The following RSRC1 variants were observed in gnomAD, a reference collection of about 807,000 sequenced individuals.
The protein encoded by RSRC1 is arginine and serine rich coiled-coil 1, also known as serine/Arginine-related protein 53.
RSRC1 carries 39 observed loss-of-function variants against 49.1 expected under a neutral mutation model. That is an observed-to-expected ratio of 0.79 (90% confidence interval 0.61 to 1.04). RSRC1 has a LOEUF of 1.04. RSRC1 is among the 50% of genes least tolerant of loss of function. RSRC1 has a pLI of 0.00. For synonymous variants in RSRC1, 143 were observed against 130.8 expected, an observed-to-expected ratio of 1.09 and a Z score of -0.63; for missense variants, 388 against 402.4, an observed-to-expected ratio of 0.96 and a Z score of 0.31.
At chr3:158,379,855 C>T (rs2108279089) in intron 6 of RSRC1, among the ~76,000 whole-genome samples, 1 of 151,668 alleles carries the variant, frequency 6.6e-6, no homozygotes, top group Admixed American at 6.6e-5. Flanking sequence ...CCCTCTTGTC[C>T]CATTTGCTTG....
At chr3:158,137,465 C>A (rs1321787139) in intron 3 of RSRC1, among the ~76,000 whole-genome samples, 1 of 151,426 alleles carries the variant, frequency 6.6e-6, no homozygotes, top group Non-Finnish European at 1.5e-5. Flanking sequence ...GATGCCCTTG[C>A]AGTTTTTAGG....
intron 7 of RSRC1, among the ~76,000 whole-genome samples, chr3:158,511,633 T>A (rs1168038357): frequency 6.6e-6 from 1 of 152,228 alleles, no homozygotes; most frequent in Non-Finnish European, 1.5e-5. Context: ...TTTGGCTATA[T>A]ACCCAGTAAT....
At chr3:158,282,310 C>A (rs1033203505) in intron 4 of RSRC1, among the ~76,000 whole-genome samples, 1 of 152,206 alleles carries the variant, frequency 6.6e-6, no homozygotes, top group East Asian at 1.9e-4. Context: ...GTGATGTGGC[C>A]TGTTTTATGT....
At chr3:158,518,762 C>G (rs185933588) in intron 7 of RSRC1, among the ~76,000 whole-genome samples, 8 of 152,236 alleles carry the variant, frequency 5.3e-5, no homozygotes, top group Admixed American at 5.2e-4. Flanking sequence ...ACCGACCACA[C>G]TATTCTTCTG....
chr3:158,481,020 G>T (rs1418601122), intron 7 of RSRC1, among the ~76,000 whole-genome samples: 3 of 152,020 alleles, frequency 2.0e-5, no homozygotes, highest in Non-Finnish European at 2.9e-5. Context: ...ACAAGCCTGA[G>T]CTTTCAGAAA....
chr3:158,338,397 A>G (rs1235541464), intron 5 of RSRC1, among the ~76,000 whole-genome samples: 2 of 152,186 alleles, frequency 1.3e-5, no homozygotes, highest in East Asian at 3.8e-4. Flanking sequence ...GCTATTTGTA[A>G]TATCTCTAGC....
chr3:158,262,279 GTTTA>G (rs1437681070), intron 4 of RSRC1, among the ~76,000 whole-genome samples: 2 of 152,076 alleles, frequency 1.3e-5, no homozygotes, highest in African/African-American at 4.8e-5. Flanking sequence ...TAGGTCTATG[GTTTA>G]TTTGAGGTAG....
intron 7 of RSRC1, among the ~76,000 whole-genome samples, chr3:158,475,797 A>G (rs1312778067): frequency 6.6e-6 from 1 of 152,052 alleles, no homozygotes; most frequent in Non-Finnish European, 1.5e-5. Context: ...AAATTAGGCC[A>G]ATTAATAACC....
chr3:158,477,101 A>T (rs1738399426), intron 7 of RSRC1, among the ~76,000 whole-genome samples: 1 of 152,156 alleles, frequency 6.6e-6, no homozygotes, highest in Non-Finnish European at 1.5e-5. Flanking sequence ...TCATGATTAA[A>T]CATGAACAAA....
At chr3:158,215,083 A>G (rs1721879866) in intron 4 of RSRC1, among the ~76,000 whole-genome samples, 1 of 151,618 alleles carries the variant, frequency 6.6e-6, no homozygotes, top group Non-Finnish European at 1.5e-5. Flanking sequence ...TATTTGGTGT[A>G]TGTTTAAGAT....
chr3:158,373,980 T>C (rs1294423068), intron 6 of RSRC1, among the ~76,000 whole-genome samples: 2 of 152,078 alleles, frequency 1.3e-5, no homozygotes, highest in Non-Finnish European at 2.9e-5. Flanking sequence ...TGCTTTATTG[T>C]TGGTAATTGT....
At chr3:158,390,282 G>GA (rs1176494636) in intron 6 of RSRC1, among the ~76,000 whole-genome samples, 1 of 152,100 alleles carries the variant, frequency 6.6e-6, no homozygotes, top group Non-Finnish European at 1.5e-5. Context: ...ATGACTCCAG[G>GA]AAAGTGGAGC....
rs182730904 is a variant in RSRC1 at position 158,439,670 on chromosome 3, G to C, written c.584-21265G>C. ...CACACACTGGGGCCTGTTGTGGGGTGGGGGGCTAGGAGAGGGATAGCATTA... is the reference window on the plus strand; with the variant it reads ...CACACACTGGGGCCTGTTGTGGGGTCGGGGGCTAGGAGAGGGATAGCATTA... On this transcript the variant is annotated intron_variant, in intron 6 of 9. Transcript: ENST00000611884. 1.8e-4 allele frequency among the ~76,000 whole-genome samples: 28 copies of C among 152,172 alleles called. No individual in the cohort carries two copies. In the East Asian group the frequency reaches 5.4e-3, roughly 29 times the overall value.
intron 4 of RSRC1, among the ~76,000 whole-genome samples, chr3:158,212,689 A>G (rs2108290019): frequency 6.6e-6 from 1 of 152,048 alleles, no homozygotes; most frequent in East Asian, 1.9e-4. Flanking sequence ...AAGGTTATGA[A>G]TGGCTTTGTA....
intron 3 of RSRC1, among the ~76,000 whole-genome samples, chr3:158,131,098 T>G (rs1408542146): frequency 6.6e-6 from 1 of 151,666 alleles, no homozygotes; most frequent in Non-Finnish European, 1.5e-5. Flanking sequence ...TCTTTGGCGT[T>G]AATTTTTTAA....
At chr3:158,458,650 T>C (rs1425151896) in intron 6 of RSRC1, among the ~76,000 whole-genome samples, 1 of 152,154 alleles carries the variant, frequency 6.6e-6, no homozygotes, top group Non-Finnish European at 1.5e-5. Context: ...ATTACTTTGG[T>C]AAATGAAGTG....
At chr3:158,357,677 G>A (rs1002084859) in intron 6 of RSRC1, among the ~76,000 whole-genome samples, 8 of 152,128 alleles carry the variant, frequency 5.3e-5, no homozygotes, top group Admixed American at 5.2e-4. Flanking sequence ...AAGAACTTGA[G>A]ACCTGTCTGG....
rs1280614585 is a variant in RSRC1 at position 158,286,107 on chromosome 3, A to T, written c.495-11932A>T. Among the ~76,000 whole-genome samples, 5 of 152,262 alleles carry T rather than the reference A, an allele frequency of 3.3e-5. No homozygotes were observed. In the East Asian group the frequency reaches 9.6e-4, roughly 29 times the overall value. On this transcript the variant is annotated intron_variant, in intron 4 of 9. Transcript: ENST00000611884. ...AAGAATTGAATGAGAATGCAAGTAT[A>T]AATGACCAGGTTCAGCTAGTGTTTA...
intron 7 of RSRC1, among the ~76,000 whole-genome samples, chr3:158,524,639 T>A (rs772944214): frequency 2.0e-5 from 3 of 152,038 alleles, no homozygotes; most frequent in African/African-American, 7.2e-5. Flanking sequence ...GCAGACAAAA[T>A]TGAAATCCAT....
Sources: gnomAD v4.1 joint callset for allele counts (sites outside exome capture counted in the v4.1 genomes callset) on GRCh38, gnomAD v4.1.1 for gene constraint, MANE v1.5 for transcripts, NCBI Gene and HGNC (gene_info 2026-07-23, HGNC 2026-07-21) for gene names.